The following MYH4 variants were observed in gnomAD, a reference collection of about 807,000 sequenced individuals.
The protein encoded by MYH4 is myosin-4.
A neutral mutation model predicts 229.9 loss-of-function variants in MYH4; 200 were observed. The ratio of observed to expected loss-of-function variants is 0.87; its 90% CI spans 0.78 to 0.98. The LOEUF (loss-of-function observed/expected upper bound fraction) is 0.98. Ranked by LOEUF, MYH4 falls within the 50% of genes least tolerant of loss-of-function variation. MYH4 has a pLI of 0.00. For missense variants in MYH4, 2,148 were observed against 2,332.6 expected, an observed-to-expected ratio of 0.92 and a Z score of 1.63; for synonymous variants, 761 against 834.6, an observed-to-expected ratio of 0.91 and a Z score of 1.52.
intron 22 of MYH4, among the ~76,000 whole-genome samples, chr17:10,454,275 A>G (rs927440526): frequency 6.6e-6 from 1 of 152,264 alleles, no homozygotes; most frequent in African/African-American, 2.4e-5. Context: ...ACAAAAATAC[A>G]CTAAAGAAAG....
rs1318954670 is a variant in MYH4 at position 10,443,441 on chromosome 17, C to T, written c.5754G>A (p.Glu1918=). The T allele has an allele frequency of 6.2e-7, 1 of 1,614,154 alleles. No homozygotes were observed. Among genetic ancestry groups the T allele is most frequent in the Admixed American group, 1.7e-5 (1 of 60,026 alleles). ...TCACTCTCAGCTTGTTGACTTGGGA[C>T]TCAGCAATGTCAGCCCGTTCCTTGG... The part of the protein sequence containing the change: ...EEAKERADIA[E]SQVNKLRVKS... The change falls in exon 40 of 40, where the codon GAG becomes GAA. Residue 1918 remains glutamate, a synonymous_variant. Coordinates refer to ENST00000255381, the MANE Select transcript of MYH4 (RefSeq NM_017533.2). The surrounding 1 kb of genome is among the most constrained non-coding windows in gnomAD (Gnocchi z 4.6).
chr17:10,465,344 G>A, intron 5 of MYH4, 98 bp downstream of exon 5: 1 of 1,415,986 alleles, frequency 7.1e-7, no homozygotes, highest in South Asian at 1.2e-5. Context: ...TCATGTTTGT[G>A]CTGAACAGTT....
chr17:10,459,064 C>T (rs1270528626), intron 15 of MYH4, among the ~76,000 whole-genome samples, 187 bp downstream of exon 15: 1 of 152,138 alleles, frequency 6.6e-6, no homozygotes, highest in Non-Finnish European at 1.5e-5. Context: ...GAGTGATAAA[C>T]ATTTTTCTAC....
chr17:10,462,856 ATTAC>A lies in MYH4; in HGVS notation c.1008+5_1008+8del. 5 of 1,606,686 alleles carry A rather than the reference ATTAC, an allele frequency of 3.1e-6. No individual in the cohort carries two copies. The highest frequency in any genetic ancestry group is 4.3e-6 in the Non-Finnish European group (5 of 1,174,354). On this transcript the variant is annotated splice_donor_5th_base_variant and intron_variant, in intron 11 of 39. Transcript: ENST00000255381. Reference sequence around the variant, plus strand: ...ATTTACTTTTTACTACTTTGTACCTATTACTTACATCTGTGGCCATCAGCTCTTC... The same window carrying A: ...ATTTACTTTTTACTACTTTGTACCTATTACATCTGTGGCCATCAGCTCTTC...
In MYH4 at chr17:10,451,489, A is replaced by G. The variant is rs779211462; in HGVS notation, c.3739-37T>C. The G allele has an allele frequency of 3.1e-6, 5 of 1,597,106 alleles. No individual in the cohort carries two copies. The South Asian group carries it at 4.5e-5, about 15-fold the overall frequency. ...GGTAGAAAACAGGAAGAGACAATACATTTTTATTCTAGAGGCTGGGATTTA... is the reference window on the plus strand; with the variant it reads ...GGTAGAAAACAGGAAGAGACAATACGTTTTTATTCTAGAGGCTGGGATTTA... On this transcript the variant is annotated intron_variant, in intron 27 of 39. Transcript: ENST00000255381.
chr17:10,451,134 G>A (rs754637758), intron 28 of MYH4, among the ~76,000 whole-genome samples, 192 bp downstream of exon 28: 1 of 152,164 alleles, frequency 6.6e-6, no homozygotes, highest in Non-Finnish European at 1.5e-5. Flanking sequence ...AGCCCAGGGA[G>A]CTTAATTCTT....
At chr17:10,464,836 C>G (rs1191263815) in intron 5 of MYH4, 128 bp from the exon 6 acceptor site, 1 of 877,966 alleles carries the variant, frequency 1.1e-6, no homozygotes, top group Non-Finnish European at 1.7e-6. Context: ...TGAATTTGTG[C>G]TTTGCTTCTC....
At chr17:10,464,451 T>G in intron 7 of MYH4, 21 bp downstream of exon 7, 1 of 1,595,026 alleles carries the variant, frequency 6.3e-7, no homozygotes, top group Non-Finnish European at 8.6e-7. Context: ...TATTCTGTCC[T>G]TAGATGAATA....
Position 10,465,568 on chromosome 17 carries a change from T to C in MYH4, c.379A>G (p.Asn127Asp). ...TYSGLFCVTV[N>D]PYKWLPVYNP... ...TACACCGGCAGCCACTTGTAGGGGTTGACGGTGACACAGAAGAGGCCCGAG... is the reference window on the plus strand; with the variant it reads ...TACACCGGCAGCCACTTGTAGGGGTCGACGGTGACACAGAAGAGGCCCGAG... Residue 127 changes from asparagine (N) to aspartate (D), a missense_variant, in exon 5 of 40, where the codon AAC becomes GAC. Coordinates refer to ENST00000255381, the MANE Select transcript of MYH4 (RefSeq NM_017533.2). The C allele has an allele frequency of 6.2e-7, 1 of 1,614,110 alleles. No homozygotes were observed. Among genetic ancestry groups the C allele is most frequent in the Non-Finnish European group, 8.5e-7 (1 of 1,180,004 alleles).
chr17:10,465,418 A>G lies in MYH4; in HGVS notation c.505+24T>C, dbSNP rs1446643355. The G allele has an allele frequency of 2.5e-6, 4 of 1,611,852 alleles. No homozygotes were observed. The South Asian group carries it at 3.3e-5, about 13-fold the overall frequency. ...GTATACAACTATTTTACAAATGGCT[A>G]TGGAAATTGTAATTCTCACTCACCA... On this transcript the variant is annotated intron_variant, in intron 5 of 39. Coordinates refer to ENST00000255381, the MANE Select transcript of MYH4 (RefSeq NM_017533.2).
chr17:10,446,950 A>C, intron 35 of MYH4, 63 bp downstream of exon 35: 1 of 1,507,978 alleles, frequency 6.6e-7, no homozygotes, highest in South Asian at 1.2e-5. Context: ...AAACAAGCTT[A>C]TCTTCTCAAA....
At chr17:10,457,303 A>T in intron 16 of MYH4, 117 bp downstream of exon 16, 2 of 1,104,772 alleles carry the variant, frequency 1.8e-6, no homozygotes, top group Non-Finnish European at 2.5e-6. Flanking sequence ...TTCTTTCATT[A>T]GGCATGTATT....
At chr17:10,453,410 T>G (rs897350340) in intron 23 of MYH4, 82 bp from the exon 24 acceptor site, 3 of 1,603,198 alleles carry the variant, frequency 1.9e-6, no homozygotes, top group Non-Finnish European at 2.6e-6. Flanking sequence ...TATCTTAGGA[T>G]AATGTCAGCG....
intron 3 of MYH4, 36 bp downstream of exon 3, chr17:10,466,506 G>A: frequency 1.2e-6 from 2 of 1,613,728 alleles, no homozygotes; most frequent in Non-Finnish European, 8.5e-7. Flanking sequence ...CCCAAAATGA[G>A]GCAGAGTCTA....
chr17:10,465,361 A>G (rs747089256), intron 5 of MYH4, 81 bp downstream of exon 5: 49 of 1,521,418 alleles, frequency 3.2e-5, no homozygotes, highest in Non-Finnish European at 4.4e-5. Flanking sequence ...AGTTATTCTC[A>G]GAATACTAGC....
chr17:10,449,925 T>TC (rs2072553284), intron 30 of MYH4, among the ~76,000 whole-genome samples: 1 of 152,200 alleles, frequency 6.6e-6, no homozygotes, highest in Non-Finnish European at 1.5e-5. Context: ...ATGCTTTTTT[T>TC]CCTTCTATGT....
rs374624563 is a variant in MYH4, at chr17:10,459,426, A to G, written c.1417-5T>C. 6 of 1,614,068 alleles carry G rather than the reference A, an allele frequency of 3.7e-6. No individual in the cohort carries two copies. In the African/African-American group the frequency reaches 8.0e-5, roughly 22 times the overall value. On this transcript the variant is annotated splice_polypyrimidine_tract_variant and splice_region_variant and intron_variant, in intron 14 of 39. Coordinates refer to ENST00000255381, the MANE Select transcript of MYH4 (RefSeq NM_017533.2). ...CAGCTGCTCCAGGCTGTTGAACTAC[A>G]GAACAAGATAAATATAGGAAATTAC...
chr17:10,468,059 A>T (rs1451476599), intron 2 of MYH4, among the ~76,000 whole-genome samples: 4 of 152,246 alleles, frequency 2.6e-5, no homozygotes, highest in African/African-American at 9.6e-5. Context: ...AATCAGTCTT[A>T]TCTGTAAAAG....
rs771377301 is a variant in MYH4, at chr17:10,451,400, T to A, written c.3791A>T (p.Lys1264Ile). Residue 1264 changes from lysine to isoleucine, a missense_variant, in exon 28 of 40, where the codon AAA becomes ATA. Lys to Ile is a moderately radical substitution (Grantham distance 102). Transcript: ENST00000255381. ...GCGTTGTTGCTCTTCTTCCTTTGTT[T>A]TTATTTCACTAAGCTGGTCCTCTAG... ...RTLEDQLSEI[K>I]TKEEEQQRLI... is the part of the protein sequence containing the mutation. 3 of 1,614,092 alleles carry A rather than the reference T, an allele frequency of 1.9e-6. No homozygotes were observed. Among genetic ancestry groups the A allele is most frequent in the East Asian group, 4.5e-5 (2 of 44,870 alleles).
Sources: gnomAD v4.1 joint callset for allele counts (sites outside exome capture counted in the v4.1 genomes callset) on GRCh38, gnomAD v4.1.1 for gene constraint, Gnocchi (gnomAD v3.1) non-coding constraint, MANE v1.5 for transcripts, NCBI Gene and HGNC (gene_info 2026-07-23, HGNC 2026-07-21) for gene names.